KLF8: variants seen among roughly 807,000 people sequenced by gnomAD.
KLF8 encodes the protein KLF transcription factor 8.
Under a neutral mutation model 18.2 loss-of-function variants are expected in KLF8, and 10 were observed. The observed-to-expected ratio is 0.55, with a 90% CI of 0.34 to 0.93. KLF8 has a LOEUF of 0.93. Ranked by LOEUF, KLF8 falls within the 40% of genes least tolerant of loss-of-function variation. The pLI, the probability that KLF8 is intolerant of heterozygous loss-of-function variation, is 0.02. For missense variants in KLF8, 264 were observed against 277.9 expected, an observed-to-expected ratio of 0.95 and a Z score of 0.36; for synonymous variants, 109 against 97.3, an observed-to-expected ratio of 1.12 and a Z score of -0.71.
the KLF8 span, among the ~76,000 whole-genome samples, chrX:56,009,010 C>T: frequency 9.0e-6 from 1 of 111,496 alleles, no homozygotes; most frequent in Non-Finnish European, 1.9e-5. Context: ...GTCTTTCCTC[C>T]TGCTGGCTCT....
In KLF8 at chrX:56,286,181, T is replaced by C. The variant is rs1395098921; in HGVS notation, c.*1687T>C. On this transcript the variant is annotated 3_prime_UTR_variant, in exon 6 of 6. Coordinates refer to ENST00000468660, the MANE Select transcript of KLF8 (RefSeq NM_007250.5). Reference sequence around the variant, plus strand: ...ATTTATTTATTTTTTGAGAGACGGTTTCACTCCATCACCCAGGCTGGAGTG... The same window carrying C: ...ATTTATTTATTTTTTGAGAGACGGTCTCACTCCATCACCCAGGCTGGAGTG... 9.0e-6 allele frequency: 1 copy of C among 111,323 alleles called. No individual in the cohort carries two copies. The highest frequency in any genetic ancestry group is 1.9e-5 in the Non-Finnish European group (1 of 53,065). 9.2% of individuals were successfully genotyped at this position (111,323 alleles called of 1,213,427 possible). A position where few individuals can be genotyped will look rare whatever the true frequency, so the allele number is the denominator to read the frequency against.
rs1208425818 is a variant in KLF8, at chrX:56,243,463, G to A, written c.8-6768G>A. 1.2e-4 allele frequency: 19 copies of A among 163,179 alleles called. No homozygotes were observed. In the East Asian group the frequency reaches 2.8e-3, roughly 24 times the overall value. 13.4% of individuals were successfully genotyped at this position (163,179 alleles called of 1,213,427 possible). ...CTTCTGAGTACCTGCTGTGGTGGTG[G>A]TTCTTATAATTTAGACTGGGTACCT... On this transcript the variant is annotated intron_variant, in intron 1 of 5. Coordinates refer to ENST00000468660, the MANE Select transcript of KLF8 (RefSeq NM_007250.5).
the KLF8 span, among the ~76,000 whole-genome samples, chrX:55,964,268 T>A: frequency 9.0e-6 from 1 of 111,605 alleles, no homozygotes; most frequent in Non-Finnish European, 1.9e-5. Flanking sequence ...CAAAAATCAT[T>A]GCTAAATTGA....
the KLF8 span, among the ~76,000 whole-genome samples, chrX:56,219,211 T>A: frequency 8.9e-6 from 1 of 112,263 alleles, no homozygotes; most frequent in Non-Finnish European, 1.9e-5. Context: ...GATTTGGCAA[T>A]AAAGGCGAAG....
chrX:56,134,128 A>AG, the KLF8 span, among the ~76,000 whole-genome samples: 2 of 111,562 alleles, frequency 1.8e-5, no homozygotes, highest in African/African-American at 6.5e-5. Context: ...CCCATAAAAA[A>AG]TGCCACCACT....
the KLF8 span, among the ~76,000 whole-genome samples, chrX:56,000,481 G>T: frequency 5.8e-5 from 5 of 86,112 alleles, no homozygotes; most frequent in Admixed American, 2.7e-4. Flanking sequence ...TTCTTGGGGG[G>T]GGGGGGAGGG....
At chrX:56,205,695 T>C in the KLF8 span, among the ~76,000 whole-genome samples, 1 of 112,175 alleles carries the variant, frequency 8.9e-6, no homozygotes, top group African/African-American at 3.2e-5. Flanking sequence ...TATTCCCTTT[T>C]CACCTATTTT....
At chrX:55,959,137 C>A in the KLF8 span, among the ~76,000 whole-genome samples, 1 of 112,246 alleles carries the variant, frequency 8.9e-6, no homozygotes, top group Non-Finnish European at 1.9e-5. Context: ...TAAGAGTATG[C>A]AGTCCAAAAG....
At chrX:55,917,714 T>C in the KLF8 span, among the ~76,000 whole-genome samples, 1 of 111,742 alleles carries the variant, frequency 8.9e-6, no homozygotes, top group Non-Finnish European at 1.9e-5. Context: ...GAGCTTTTTC[T>C]TGAGTATTCA....
chrX:56,044,748 C>A, the KLF8 span, among the ~76,000 whole-genome samples: 2 of 112,077 alleles, frequency 1.8e-5, no homozygotes, highest in East Asian at 2.8e-4. Flanking sequence ...AGACTCCAAC[C>A]CATTGCCATT....
At chrX:56,215,921 A>G in the KLF8 span, among the ~76,000 whole-genome samples, 1 of 106,133 alleles carries the variant, frequency 9.4e-6, no homozygotes, top group African/African-American at 3.5e-5. Context: ...GGCCTTGCCT[A>G]TAAGGCACCT....
the KLF8 span, among the ~76,000 whole-genome samples, chrX:55,941,623 T>A: frequency 8.9e-6 from 1 of 112,009 alleles, no homozygotes; most frequent in Non-Finnish European, 1.9e-5. Context: ...CCTACTCATC[T>A]GACAAAGGGC....
the KLF8 span, among the ~76,000 whole-genome samples, chrX:56,195,874 A>G: frequency 8.9e-6 from 1 of 112,113 alleles, no homozygotes; most frequent in African/African-American, 3.2e-5. Flanking sequence ...TCAGATTAAC[A>G]GTGGATCTCC....
the KLF8 span, among the ~76,000 whole-genome samples, chrX:55,942,707 G>C: frequency 9.0e-6 from 1 of 111,127 alleles, no homozygotes; most frequent in South Asian, 3.8e-4. Flanking sequence ...TCTTTAGGCT[G>C]GTTCCTAGGA....
chrX:56,271,986 G>A (rs2067063248), intron 5 of KLF8, among the ~76,000 whole-genome samples: 1 of 111,438 alleles, frequency 9.0e-6, no homozygotes, highest in Admixed American at 9.6e-5. Context: ...GTCACCTCTC[G>A]ACTCTTAAAC....
chrX:56,227,927 G>A, upstream of KLF8, among the ~76,000 whole-genome samples: 1 of 103,285 alleles, frequency 9.7e-6, no homozygotes, highest in Non-Finnish European at 1.9e-5. Flanking sequence ...ACCTAGTCAA[G>A]CTCCTTGCTC....
At chrX:56,061,243 T>C in the KLF8 span, among the ~76,000 whole-genome samples, 1 of 111,748 alleles carries the variant, frequency 8.9e-6, no homozygotes, top group Non-Finnish European at 1.9e-5. Context: ...TCTAGTTCTT[T>C]TAATTTTGAT....
At chrX:56,244,954 G>A (rs755655185) in intron 1 of KLF8, among the ~76,000 whole-genome samples, 1 of 112,038 alleles carries the variant, frequency 8.9e-6, no homozygotes, top group East Asian at 2.8e-4. Flanking sequence ...GTGCTCACCA[G>A]ATTTGAGGTA....
At chrX:56,168,335 G>T in the KLF8 span, among the ~76,000 whole-genome samples, 3 of 111,444 alleles carry the variant, frequency 2.7e-5, no homozygotes, top group African/African-American at 9.8e-5. Flanking sequence ...AAACTTAGCA[G>T]AAATTTAACC....
Sources: allele counts gnomAD v4.1 joint callset (sites outside exome capture counted in the v4.1 genomes callset), GRCh38; gene constraint gnomAD v4.1.1; transcripts MANE v1.5; gene names NCBI Gene and HGNC (gene_info 2026-07-23, HGNC 2026-07-21).